Variants in SORBS2 observed in about 807,000 individuals in gnomAD.
SORBS2 encodes sorbin and SH3 domain containing 2.
SORBS2 carries 46 observed loss-of-function variants against 97.7 expected under a neutral mutation model. The ratio of observed to expected loss-of-function variants is 0.47; its 90% CI spans 0.37 to 0.60. SORBS2 has a LOEUF of 0.60. Ranked by LOEUF, SORBS2 falls within the 20% of genes least tolerant of loss-of-function variation. The probability of loss-of-function intolerance (pLI) is 0.00; values close to 1 mark genes in which losing one functional copy is unlikely to be tolerated. For synonymous variants in SORBS2, 476 were observed against 473.4 expected (o/e 1.01, Z -0.07); for missense variants, 1,316 against 1,282.3 (o/e 1.03, Z -0.40).
intron 7 of SORBS2, among the ~76,000 whole-genome samples, chr4:185,621,628 T>C (rs1157086406): frequency 6.9e-6 from 1 of 144,238 alleles, no homozygotes; most frequent in Non-Finnish European, 1.5e-5. Flanking sequence ...TAGGCAAAGA[T>C]AAACGTAAGT....
intron 12 of SORBS2, among the ~76,000 whole-genome samples, chr4:185,595,004 G>A (rs2096052585): frequency 6.6e-6 from 1 of 152,166 alleles, no homozygotes; most frequent in Non-Finnish European, 1.5e-5. Context: ...CTGATAGGCT[G>A]AAATCTCTTG....
intron 1 of SORBS2, among the ~76,000 whole-genome samples, chr4:185,945,062 C>G (rs1215094980): frequency 6.6e-6 from 1 of 152,194 alleles, no homozygotes; most frequent in Non-Finnish European, 1.5e-5. Flanking sequence ...GCAACGTGCT[C>G]ATATATGCCA....
At chr4:185,720,290 G>A (rs866374760) in intron 2 of SORBS2, among the ~76,000 whole-genome samples, 7 of 152,028 alleles carry the variant, frequency 4.6e-5, no homozygotes, top group African/African-American at 9.7e-5. Context: ...AGGTTTTATC[G>A]CAATAAATGT....
At chr4:185,744,882 CA>C (rs1449139902) in intron 2 of SORBS2, among the ~76,000 whole-genome samples, 4 of 152,234 alleles carry the variant, frequency 2.6e-5, no homozygotes, top group African/African-American at 9.6e-5. Flanking sequence ...GACCCTCTGG[CA>C]AAGGCACATT....
At chr4:185,806,584 A>G (rs1007452733) in intron 1 of SORBS2, among the ~76,000 whole-genome samples, 2 of 149,010 alleles carry the variant, frequency 1.3e-5, no homozygotes, top group Non-Finnish European at 3.0e-5. Context: ...CAGCCTCCCG[A>G]GTAGCTGGGA....
intron 1 of SORBS2, among the ~76,000 whole-genome samples, chr4:185,886,558 A>AAAAAAAAAAAAAAAAAAAAG (rs1354050051): frequency 1.6e-5 from 2 of 122,248 alleles, no homozygotes; most frequent in Middle Eastern, 4.1e-3. Context: ...CTGTCTCAAA[A>AAAAAAAAAAAAAAAAAAAAG]AAAAAAAAAA....
intron 1 of SORBS2, among the ~76,000 whole-genome samples, chr4:185,847,113 A>T (rs2099214992): frequency 6.6e-6 from 1 of 152,172 alleles, no homozygotes; most frequent in African/African-American, 2.4e-5. Flanking sequence ...CCCAAAACTT[A>T]CACTTATCTT....
Position 185,633,229 on chromosome 4 carries a change from C to T in SORBS2, c.397-2631G>A, listed in dbSNP as rs192771565. On this transcript the variant is annotated intron_variant, in intron 4 of 14. Transcript: ENST00000418609. ...TGGTATATACCAGGCAGTTGATAAA[C>T]GGTAGCTAAGGTAATGTCTAATCAA... is the stretch of plus-strand genomic sequence containing the variant. 3.3e-3 allele frequency among the ~76,000 whole-genome samples: 505 copies of T among 152,172 alleles called. 2 individuals are homozygous for T. The highest frequency in any genetic ancestry group is 5.1e-3 in the Admixed American group (78 of 15,282).
At chr4:185,636,969 A>G (rs983306561) in intron 4 of SORBS2, among the ~76,000 whole-genome samples, 2 of 152,144 alleles carry the variant, frequency 1.3e-5, no homozygotes, top group African/African-American at 4.8e-5. Flanking sequence ...TTTATCCCAA[A>G]CAGGCTAAGC....
intron 1 of SORBS2, among the ~76,000 whole-genome samples, chr4:185,831,732 A>AG (rs2099205269): frequency 6.6e-6 from 1 of 152,334 alleles, no homozygotes; most frequent in Non-Finnish European, 1.5e-5. Context: ...TGGAGACTGA[A>AG]GGACAGTTCT....
chr4:185,609,104 A>G (rs1168002032), intron 12 of SORBS2, among the ~76,000 whole-genome samples: 5 of 152,160 alleles, frequency 3.3e-5, no homozygotes, highest in African/African-American at 1.2e-4. Context: ...CTGCTGACAC[A>G]CAGTGAGACT....
At chr4:185,908,828 A>G (rs1461624965) in intron 1 of SORBS2, among the ~76,000 whole-genome samples, 3 of 152,104 alleles carry the variant, frequency 2.0e-5, no homozygotes, top group African/African-American at 7.2e-5. Flanking sequence ...ACATGAAACC[A>G]TAAGGCTCTA....
rs1311698145 is a variant in SORBS2, at chr4:185,652,660, A to G, written c.91+2T>C. On this transcript the variant is annotated splice_donor_variant, in intron 2 of 14. Coordinates refer to ENST00000418609, the Ensembl canonical transcript of SORBS2. LOFTEE classifies it high-confidence loss of function. The stretch of plus-strand genomic sequence containing the variant: ...CATCAGAAAGCAGAGCAGCAGACAT[A>G]CCCGGCTTGTGCACCATGTGAATTT... 1 of 1,613,280 alleles carries G rather than the reference A, an allele frequency of 6.2e-7. No homozygotes were observed. The highest frequency in any genetic ancestry group is 8.5e-7 in the Non-Finnish European group (1 of 1,179,254).
At chr4:185,728,646 C>A (rs968696711) in intron 2 of SORBS2, among the ~76,000 whole-genome samples, 1 of 152,158 alleles carries the variant, frequency 6.6e-6, no homozygotes, top group Admixed American at 6.5e-5. Flanking sequence ...TAATCGGAGT[C>A]GTTCCTAATT....
At chr4:185,594,243 G>A (rs1448088439) in intron 12 of SORBS2, among the ~76,000 whole-genome samples, 1 of 152,158 alleles carries the variant, frequency 6.6e-6, no homozygotes, top group Non-Finnish European at 1.5e-5. Context: ...AATAAGGCAA[G>A]AACATAGACG....
At chr4:185,745,046 G>A (rs956608864) in intron 2 of SORBS2, among the ~76,000 whole-genome samples, 4 of 152,214 alleles carry the variant, frequency 2.6e-5, no homozygotes, top group Non-Finnish European at 4.4e-5. Context: ...CTTGTGGGCC[G>A]GCTCAGGGAT....
At chr4:185,914,873 T>C (rs1222102049) in intron 1 of SORBS2, among the ~76,000 whole-genome samples, 2 of 152,238 alleles carry the variant, frequency 1.3e-5, no homozygotes, top group African/African-American at 2.4e-5. Context: ...TTATACACAA[T>C]CAATTTGTAA....
intron 2 of SORBS2, among the ~76,000 whole-genome samples, chr4:185,728,412 C>G (rs1185262603): frequency 1.3e-5 from 2 of 152,176 alleles, no homozygotes; most frequent in Non-Finnish European, 2.9e-5. Context: ...CTGTCTTTGC[C>G]ATTCCATCTA....
chr4:185,639,295 C>T (rs1435579473), intron 4 of SORBS2, among the ~76,000 whole-genome samples: 7 of 152,164 alleles, frequency 4.6e-5, no homozygotes, highest in Non-Finnish European at 8.8e-5. Flanking sequence ...CTTCACAATA[C>T]CGTGGATGGC....
Sources: allele counts gnomAD v4.1 joint callset (sites outside exome capture counted in the v4.1 genomes callset), GRCh38; gene constraint gnomAD v4.1.1; transcripts MANE v1.5; gene names NCBI Gene and HGNC (gene_info 2026-07-23, HGNC 2026-07-21).